The following SRD5A2 variants were observed in gnomAD, a reference collection of about 807,000 sequenced individuals.
SRD5A2 encodes the protein 3-oxo-5-alpha-steroid 4-dehydrogenase 2.
Under a neutral mutation model 27.4 loss-of-function variants are expected in SRD5A2, and 30 were observed. That is an observed-to-expected ratio of 1.10 (90% CI 0.82 to 1.49). The LOEUF (loss-of-function observed/expected upper bound fraction) is 1.49. Ranked by LOEUF, SRD5A2 falls within the 40% of genes most tolerant of loss-of-function variation. The pLI, the probability that SRD5A2 is intolerant of heterozygous loss-of-function variation, is 0.00. For synonymous variants in SRD5A2, 141 were observed against 133.6 expected, an observed-to-expected ratio of 1.06 and a Z score of -0.38; for missense variants, 348 against 323.4, an observed-to-expected ratio of 1.08 and a Z score of -0.58.
intron 1 of SRD5A2, among the ~76,000 whole-genome samples, chr2:31,538,383 G>T (rs566576712): frequency 9.6e-4 from 146 of 152,112 alleles, no homozygotes; most frequent in African/African-American, 3.2e-3. Flanking sequence ...TCTGCAAAAT[G>T]TTTTCAGAAT....
intron 1 of SRD5A2, among the ~76,000 whole-genome samples, chr2:31,547,064 C>G (rs1426905934): frequency 1.3e-5 from 2 of 152,022 alleles, no homozygotes; most frequent in Non-Finnish European, 2.9e-5. Flanking sequence ...CGCCATTGCA[C>G]TCCAGCCTGG....
At chr2:31,600,384 G>A in the SRD5A2 span, among the ~76,000 whole-genome samples, 1 of 151,850 alleles carries the variant, frequency 6.6e-6, no homozygotes, top group East Asian at 1.9e-4. Context: ...TGGTATTTTG[G>A]TTTCACCTCT....
At chr2:31,659,753 C>T in the SRD5A2 span, among the ~76,000 whole-genome samples, 2 of 152,100 alleles carry the variant, frequency 1.3e-5, no homozygotes, top group Non-Finnish European at 2.9e-5. Flanking sequence ...AATGGCCATA[C>T]TACCCAAAGT....
intron 1 of SRD5A2, among the ~76,000 whole-genome samples, chr2:31,556,507 GATGCAAACACATGGATTCTT>G (rs1370705424): frequency 5.3e-5 from 8 of 152,180 alleles, no homozygotes; most frequent in African/African-American, 1.9e-4. Flanking sequence ...GTGGGCCCTA[GATGCAAACACATGGATTCTT>G]ATACAAGAAA....
chr2:31,652,862 A>C, the SRD5A2 span, among the ~76,000 whole-genome samples: 1 of 152,192 alleles, frequency 6.6e-6, no homozygotes, highest in South Asian at 2.1e-4. Context: ...CCATAATTTC[A>C]AACCCAGACT....
chr2:31,538,978 A>G (rs569505908), intron 1 of SRD5A2, among the ~76,000 whole-genome samples: 1 of 152,354 alleles, frequency 6.6e-6, no homozygotes, highest in South Asian at 2.1e-4. Context: ...AGAGTCTATC[A>G]TGTGCTATAA....
the SRD5A2 span, among the ~76,000 whole-genome samples, chr2:31,657,021 C>G: frequency 6.6e-6 from 1 of 152,006 alleles, no homozygotes; most frequent in African/African-American, 2.4e-5. Flanking sequence ...GAGAAACTAT[C>G]ACAAAAAAAA....
chr2:31,525,939 T>C lies in SRD5A2; in HGVS notation c.*257A>G, dbSNP rs1295069132. 6 of 388,802 alleles carry C rather than the reference T, an allele frequency of 1.5e-5. No homozygotes were observed. Among genetic ancestry groups the C allele is most frequent in the Non-Finnish European group, 2.8e-5 (6 of 215,250 alleles). 24.1% of individuals were successfully genotyped at this position (388,802 alleles called of 1,614,324 possible). A position where few individuals can be genotyped will look rare whatever the true frequency, so the allele number is the denominator to read the frequency against. On this transcript the variant is annotated 3_prime_UTR_variant, in exon 5 of 5. Transcript: ENST00000622030. ...AGAAGTTTGTACTTTCTCAGAGCAATAGCTAAGAAGCAACTGTCGCCATTT... is the reference window on the plus strand; with the variant it reads ...AGAAGTTTGTACTTTCTCAGAGCAACAGCTAAGAAGCAACTGTCGCCATTT...
chr2:31,617,543 C>T, the SRD5A2 span, among the ~76,000 whole-genome samples: 5 of 152,030 alleles, frequency 3.3e-5, no homozygotes, highest in African/African-American at 1.2e-4. Context: ...ATTGCATCAT[C>T]AGGCTGCAAA....
the SRD5A2 span, among the ~76,000 whole-genome samples, chr2:31,587,932 GAATC>G: frequency 6.6e-6 from 1 of 151,994 alleles, no homozygotes; most frequent in Non-Finnish European, 1.5e-5. Flanking sequence ...ATTTTAAAAA[GAATC>G]AAACAGAAAT....
At chr2:31,623,769 T>G in the SRD5A2 span, among the ~76,000 whole-genome samples, 2 of 152,086 alleles carry the variant, frequency 1.3e-5, no homozygotes, top group Non-Finnish European at 2.9e-5. Context: ...TATTTAGAGG[T>G]ATGTTCCTTC....
At chr2:31,631,250 C>T in the SRD5A2 span, among the ~76,000 whole-genome samples, 2 of 152,098 alleles carry the variant, frequency 1.3e-5, no homozygotes, top group African/African-American at 2.4e-5. Context: ...TAGTAAAGGA[C>T]CACTAGAATC....
the SRD5A2 span, among the ~76,000 whole-genome samples, chr2:31,638,138 T>C: frequency 6.6e-6 from 1 of 152,114 alleles, no homozygotes; most frequent in Non-Finnish European, 1.5e-5. Context: ...TTCATTTTTA[T>C]TTATTTCAAG....
At chr2:31,612,697 G>C in the SRD5A2 span, among the ~76,000 whole-genome samples, 1 of 152,268 alleles carries the variant, frequency 6.6e-6, no homozygotes, top group South Asian at 2.1e-4. Flanking sequence ...ACAAAAGACT[G>C]TAAACGCCCA....
intron 1 of SRD5A2, among the ~76,000 whole-genome samples, chr2:31,561,648 C>T (rs1666627217): frequency 6.6e-6 from 1 of 152,086 alleles, no homozygotes; most frequent in Non-Finnish European, 1.5e-5. Flanking sequence ...TTCTTCCTGC[C>T]TCTACATTAA....
At chr2:31,582,156 C>T (rs547751569), upstream of SRD5A2, among the ~76,000 whole-genome samples, 11 of 152,318 alleles carry the variant, frequency 7.2e-5, no homozygotes, top group East Asian at 2.1e-3. Context: ...GGGCTCCACC[C>T]CAGTCCTTCT....
At chr2:31,567,444 G>GTT (rs1666754739) in intron 1 of SRD5A2, among the ~76,000 whole-genome samples, 3 of 83,196 alleles carry the variant, frequency 3.6e-5, no homozygotes, top group Non-Finnish European at 8.9e-5. Flanking sequence ...GTGTGTGTGT[G>GTT]TGTGTGTGTG....
At chr2:31,568,283 A>C (rs1198815596) in intron 1 of SRD5A2, among the ~76,000 whole-genome samples, 1 of 152,080 alleles carries the variant, frequency 6.6e-6, no homozygotes, top group African/African-American at 2.4e-5. Flanking sequence ...CATGTTTCAG[A>C]CCTGTTTGTG....
chr2:31,595,798 A>C, the SRD5A2 span, among the ~76,000 whole-genome samples: 1 of 152,328 alleles, frequency 6.6e-6, no homozygotes, highest in South Asian at 2.1e-4. Flanking sequence ...AGATGCAAAA[A>C]TCTTCAACAA....
Sources: allele counts gnomAD v4.1 joint callset (sites outside exome capture counted in the v4.1 genomes callset), GRCh38; gene constraint gnomAD v4.1.1; transcripts MANE v1.5; gene names NCBI Gene and HGNC (gene_info 2026-07-23, HGNC 2026-07-21).